The following STAT1 variants were observed in gnomAD, a reference collection of about 807,000 sequenced individuals.
The protein encoded by STAT1 is signal transducer and activator of transcription 1.
In STAT1, 24 loss-of-function variants were observed where a neutral mutation model predicts 111.7. The ratio of observed to expected loss-of-function variants is 0.21; its 90% CI spans 0.16 to 0.30. STAT1 has a LOEUF of 0.30. STAT1 is among the 10% of genes least tolerant of loss of function. The probability of loss-of-function intolerance (pLI) is 1.00; values close to 1 mark genes in which losing one functional copy is unlikely to be tolerated. For synonymous variants in STAT1, 332 were observed against 326.5 expected (o/e 1.02, Z -0.18); for missense variants, 351 against 911.9 (o/e 0.38, Z 7.92).
In STAT1 at chr2:191,012,517, A is replaced by G. The variant is rs1695220129; in HGVS notation, c.-2+1008T>C. The stretch of plus-strand genomic sequence containing the variant: ...TACCAACTCAGGGAGTGGCATGGCC[A>G]TCTCCCAGTCACTGAGCTCAAATCT... On this transcript the variant is annotated intron_variant, in intron 2 of 24. Coordinates refer to ENST00000361099, the MANE Select transcript of STAT1 (RefSeq NM_007315.4). This position sits in a 1 kb window ranked among gnomAD's most constrained non-coding sequence, Gnocchi z 4.0. Among the ~76,000 whole-genome samples the G allele has an allele frequency of 6.6e-6, 1 of 152,076 alleles. No individual in the cohort carries two copies. The highest frequency in any genetic ancestry group is 2.4e-5 in the African/African-American group (1 of 41,396).
At position 190,983,814 on chromosome 2, in the gene STAT1, CTAA is replaced by C. The variant is rs1294199188; in HGVS notation, c.1348-77_1348-75del. 8.1e-7 allele frequency: 1 copy of C among 1,238,486 alleles called. No individual in the cohort carries two copies. The highest frequency in any genetic ancestry group is 1.5e-5 in the African/African-American group (1 of 67,468). 76.7% of individuals were successfully genotyped at this position (1,238,486 alleles called of 1,614,324 possible). A position where few individuals can be genotyped will look rare whatever the true frequency, so the allele number is the denominator to read the frequency against. On this transcript the variant is annotated intron_variant, in intron 16 of 24. Coordinates refer to ENST00000361099, the MANE Select transcript of STAT1 (RefSeq NM_007315.4). The surrounding 1 kb of genome is among the most constrained non-coding windows in gnomAD (Gnocchi z 5.7). ...CCTTCAGATAACTGCTTAGCCTCAACTAAAAGCAGGGGATTATTTGTAAATTTG... is the reference window on the plus strand; with the variant it reads ...CCTTCAGATAACTGCTTAGCCTCAACAAGCAGGGGATTATTTGTAAATTTG...
At chr2:190,988,483 A>T (rs1693044946) in intron 12 of STAT1, among the ~76,000 whole-genome samples, 1 of 152,204 alleles carries the variant, frequency 6.6e-6, no homozygotes, top group Non-Finnish European at 1.5e-5. Context: ...GGTTCAAGCG[A>T]TTCTCGTGCC....
chr2:190,997,987 T>C lies in STAT1; in HGVS notation c.654A>G (p.Ile218Met). 1.9e-6 allele frequency: 3 copies of C among 1,614,252 alleles called. No homozygotes were observed. Among genetic ancestry groups the C allele is most frequent in the Non-Finnish European group, 2.5e-6 (3 of 1,180,050 alleles). The change falls in exon 9 of 25, where the codon ATA becomes ATG. Residue 218 changes from isoleucine to methionine, a missense_variant. By Grantham distance (10) the Ile-to-Met change is conservative. Around this residue, in one of 7 missense-constraint regions of STAT1, gnomAD observed 67 missense variants for 158.9 expected, o/e 0.42. Transcript: ENST00000361099. The surrounding 1 kb of genome is among the most constrained non-coding windows in gnomAD (Gnocchi z 7.3). ...TAAGTTCAGTGACATTCAGCAACTC[T>C]ATTATTTTGTGAACTACTTCCTAAA... is the stretch of plus-strand genomic sequence containing the variant. ...NKRKEVVHKIIELLNVTELTQ... is the reference protein window; with the variant it reads ...NKRKEVVHKIMELLNVTELTQ...
Position 190,999,725 on chromosome 2 carries a change from A to G in STAT1, c.463-21T>C. 2 of 1,579,652 alleles carry G rather than the reference A, an allele frequency of 1.3e-6. No homozygotes were observed. The highest frequency in any genetic ancestry group is 1.3e-5 in the African/African-American group (1 of 74,302). On this transcript the variant is annotated intron_variant, in intron 6 of 24. Coordinates refer to ENST00000361099, the MANE Select transcript of STAT1 (RefSeq NM_007315.4). The surrounding 1 kb of genome is among the most constrained non-coding windows in gnomAD (Gnocchi z 4.1). ...ATACACTACAAACAAAGATGTAAAC[A>G]TGTTTTCTACTGATCAGCAACTTCC...
Position 191,001,019 on chromosome 2 carries a change from T to C in STAT1, c.462+55A>G, listed in dbSNP as rs45579036. 4.9e-4 allele frequency: 700 copies of C among 1,421,056 alleles called. 3 individuals are homozygous for C. The African/African-American group carries it at 8.5e-3, about 17-fold the overall frequency. The allele number at this position is 1,421,056 out of a possible 1,614,324, so 88.0% of individuals were successfully genotyped here. A position where few individuals can be genotyped will look rare whatever the true frequency, so the allele number is the denominator to read the frequency against. On this transcript the variant is annotated intron_variant, in intron 6 of 24. Transcript: ENST00000361099. ...GTTTACACCCCAAGCAATTGAAACC[T>C]TTTTTCCCCTACAGAAAGTTTCAGA... is the stretch of plus-strand genomic sequence containing the variant.
In STAT1 at chr2:190,988,444, T is replaced by G. The variant is rs112376518; in HGVS notation, c.1097+1171A>C. On this transcript the variant is annotated intron_variant, in intron 12 of 24. Coordinates refer to ENST00000361099, the MANE Select transcript of STAT1 (RefSeq NM_007315.4). ...CCCAGGCTGGAGTGCAGTGGCATGA[T>G]CTCAGCTCACTGCAACCTCTGCCTC... Among the ~76,000 whole-genome samples, 652 of 152,352 alleles carry G rather than the reference T, an allele frequency of 4.3e-3. 4 individuals carry two copies. Among genetic ancestry groups the G allele is most frequent in the Non-Finnish European group, 6.8e-3 (461 of 68,036 alleles).
intron 10 of STAT1, among the ~76,000 whole-genome samples, chr2:190,992,313 C>T (rs1693426336): frequency 6.6e-6 from 1 of 152,142 alleles, no homozygotes; most frequent in Non-Finnish European, 1.5e-5. Context: ...GAAGACTATA[C>T]CTGACATCTA....
chr2:190,984,091 G>C lies in STAT1; in HGVS notation c.1347+219C>G, dbSNP rs935674976. Among the ~76,000 whole-genome samples, 3 of 151,648 alleles carry C rather than the reference G, an allele frequency of 2.0e-5. No homozygotes were observed. The highest frequency in any genetic ancestry group is 7.3e-5 in the African/African-American group (3 of 41,300). ...GTAAAAAAAAAAAATTAACATCAGCGATCTCAACTGGAACTTTTAAGTTAT... is the reference window on the plus strand; with the variant it reads ...GTAAAAAAAAAAAATTAACATCAGCCATCTCAACTGGAACTTTTAAGTTAT... On this transcript the variant is annotated intron_variant, in intron 16 of 24. Coordinates refer to ENST00000361099, the MANE Select transcript of STAT1 (RefSeq NM_007315.4). The surrounding 1 kb of genome is among the most constrained non-coding windows in gnomAD (Gnocchi z 5.2).
At chr2:190,994,948 A>G (rs1693730814) in intron 10 of STAT1, 113 bp downstream of exon 10, 1 of 390,666 alleles carries the variant, frequency 2.6e-6, no homozygotes, top group African/African-American at 2.6e-5. Context: ...ATATATATAT[A>G]TATATATATA....
In STAT1 at chr2:190,987,435, C is replaced by T. The variant is rs541179254; in HGVS notation, c.1098-367G>A. The stretch of plus-strand genomic sequence containing the variant: ...CACCCTCAATAAATGTTTAAGCTAT[C>T]GTTATTGTTTATTGAGCAGCTACTT... On this transcript the variant is annotated intron_variant, in intron 12 of 24. Transcript: ENST00000361099. The surrounding 1 kb of genome is among the most constrained non-coding windows in gnomAD (Gnocchi z 4.0). 2.6e-5 allele frequency among the ~76,000 whole-genome samples: 4 copies of T among 152,278 alleles called. No homozygotes were observed. Among genetic ancestry groups the T allele is most frequent in the South Asian group, 4.1e-4 (2 of 4,822 alleles).
rs1692089988 is a variant in STAT1, at chr2:190,978,558, CG to C, written c.1873+297del. The C allele has an allele frequency of 2.3e-6, 1 of 430,028 alleles. No individual in the cohort carries two copies. Among genetic ancestry groups the C allele is most frequent in the Admixed American group, 3.4e-5 (1 of 29,096 alleles). The allele number at this position is 430,028 out of a possible 1,614,324, so 26.6% of individuals were successfully genotyped here. On this transcript the variant is annotated intron_variant, in intron 21 of 24. Coordinates refer to ENST00000361099, the MANE Select transcript of STAT1 (RefSeq NM_007315.4). This position sits in a 1 kb window ranked among gnomAD's most constrained non-coding sequence, Gnocchi z 6.1. ...TGGGAAATGTGATTCCTTCCAAGAACGGGTTGCAGATTACATTGACTCACAT... is the reference window on the plus strand; with the variant it reads ...TGGGAAATGTGATTCCTTCCAAGAACGGTTGCAGATTACATTGACTCACAT...
chr2:190,975,697 G>T lies in STAT1; in HGVS notation c.2135+115C>A. 1.3e-6 allele frequency: 2 copies of T among 1,538,738 alleles called. No homozygotes were observed. The highest frequency in any genetic ancestry group is 1.8e-6 in the Non-Finnish European group (2 of 1,142,112). ...CGGGGATCTCAACAAGTTCAGCTGT[G>T]ATGGCGATAGCAATTACAATGGAAA... On this transcript the variant is annotated intron_variant, in intron 23 of 24. Transcript: ENST00000361099. This position sits in a 1 kb window ranked among gnomAD's most constrained non-coding sequence, Gnocchi z 5.9.
rs889664345 is a variant in STAT1, at chr2:190,984,914, G to C, written c.1264-521C>G. Among the ~76,000 whole-genome samples the C allele has an allele frequency of 6.6e-6, 1 of 152,344 alleles. No homozygotes were observed. Among genetic ancestry groups the C allele is most frequent in the East Asian group, 1.9e-4 (1 of 5,190 alleles). ...CCTCACAACTTAGAACTAGAGAGGT[G>C]CAACAGCTAGACCCAGGGAGGTCAA... On this transcript the variant is annotated intron_variant, in intron 15 of 24. Coordinates refer to ENST00000361099, the MANE Select transcript of STAT1 (RefSeq NM_007315.4). The surrounding 1 kb of genome is among the most constrained non-coding windows in gnomAD (Gnocchi z 5.2).
Position 191,012,084 on chromosome 2 carries a change from A to G in STAT1, c.-2+1441T>C, listed in dbSNP as rs1041717339. On this transcript the variant is annotated intron_variant, in intron 2 of 24. Coordinates refer to ENST00000361099, the MANE Select transcript of STAT1 (RefSeq NM_007315.4). The surrounding 1 kb of genome is among the most constrained non-coding windows in gnomAD (Gnocchi z 4.0). The stretch of plus-strand genomic sequence containing the variant: ...TTCTTAAGGCTGGTTGAGCTAGTAC[A>G]TATGTAGCACCTGGCACAGAAGAGG... 6.6e-6 allele frequency among the ~76,000 whole-genome samples: 1 copy of G among 151,434 alleles called. No homozygotes were observed. Among genetic ancestry groups the G allele is most frequent in the African/African-American group, 2.4e-5 (1 of 41,264 alleles).
In STAT1 at chr2:190,981,275, A is replaced by C. The variant is rs1467940049; in HGVS notation, c.1583-606T>G. Among the ~76,000 whole-genome samples the C allele has an allele frequency of 6.6e-6, 1 of 152,172 alleles. No homozygotes were observed. The highest frequency in any genetic ancestry group is 1.5e-5 in the Non-Finnish European group (1 of 68,022). The stretch of plus-strand genomic sequence containing the variant: ...TGCCCAAGATCACCCCTAGATCTTC[A>C]ATGTAACTGATACTTGACTTTACAA... On this transcript the variant is annotated intron_variant, in intron 18 of 24. Transcript: ENST00000361099. The surrounding 1 kb of genome is among the most constrained non-coding windows in gnomAD (Gnocchi z 4.1).
Position 190,978,769 on chromosome 2 carries a change from C to A in STAT1, c.1873+87G>T. 1.3e-6 allele frequency: 2 copies of A among 1,543,596 alleles called. No homozygotes were observed. Among genetic ancestry groups the A allele is most frequent in the Non-Finnish European group, 8.8e-7 (1 of 1,135,056 alleles). The stretch of plus-strand genomic sequence containing the variant: ...GATCTGCAATTTCATGTCCCAAACG[C>A]ACTATCTGTATGAGCTGACTGGCGG... On this transcript the variant is annotated intron_variant, in intron 21 of 24. Coordinates refer to ENST00000361099, the MANE Select transcript of STAT1 (RefSeq NM_007315.4). This position sits in a 1 kb window ranked among gnomAD's most constrained non-coding sequence, Gnocchi z 6.1.
At chr2:190,991,964 T>A (rs1455283733) in intron 10 of STAT1, among the ~76,000 whole-genome samples, 1 of 152,202 alleles carries the variant, frequency 6.6e-6, no homozygotes, top group South Asian at 2.1e-4. Flanking sequence ...TTTTAAATTT[T>A]AAAAAACCCA....
Position 191,000,574 on chromosome 2 carries a change from CCT to C in STAT1, c.462+498_462+499del, listed in dbSNP as rs1195216565. ...GCACCATCGAGGACGCCAGAGCAGCCCTCTGCTTCCATAAATTGACTTGGAAG... is the reference window on the plus strand; with the variant it reads ...GCACCATCGAGGACGCCAGAGCAGCCCTGCTTCCATAAATTGACTTGGAAG... On this transcript the variant is annotated intron_variant, in intron 6 of 24. Coordinates refer to ENST00000361099, the MANE Select transcript of STAT1 (RefSeq NM_007315.4). This position sits in a 1 kb window ranked among gnomAD's most constrained non-coding sequence, Gnocchi z 4.8. Among the ~76,000 whole-genome samples, 2 of 152,198 alleles carry C rather than the reference CCT, an allele frequency of 1.3e-5. No individual in the cohort carries two copies. Among genetic ancestry groups the C allele is most frequent in the African/African-American group, 4.8e-5 (2 of 41,438 alleles).
chr2:190,981,788 G>A lies in STAT1; in HGVS notation c.1582+595C>T, dbSNP rs1448018129. Reference sequence around the variant, plus strand: ...ACTGAAAGATCTGACCTTGAGACTAGTGGATCTTTGATTTGTTTAGTATGA... The same window carrying A: ...ACTGAAAGATCTGACCTTGAGACTAATGGATCTTTGATTTGTTTAGTATGA... On this transcript the variant is annotated intron_variant, in intron 18 of 24. Transcript: ENST00000361099. The surrounding 1 kb of genome is among the most constrained non-coding windows in gnomAD (Gnocchi z 4.1). 6.6e-6 allele frequency among the ~76,000 whole-genome samples: 1 copy of A among 152,228 alleles called. No individual in the cohort carries two copies. The highest frequency in any genetic ancestry group is 1.5e-5 in the Non-Finnish European group (1 of 68,044).
Sources: gnomAD v4.1 joint callset for allele counts (sites outside exome capture counted in the v4.1 genomes callset) on GRCh38, gnomAD v4.1.1 for gene constraint, gnomAD v4.1.1 regional missense constraint, Gnocchi (gnomAD v3.1) non-coding constraint, MANE v1.5 for transcripts, NCBI Gene and HGNC (gene_info 2026-07-23, HGNC 2026-07-21) for gene names.